Variants in NPAS3 observed in about 807,000 individuals in gnomAD.
The protein encoded by NPAS3 is neuronal PAS domain protein 3.
A neutral mutation model predicts 73.1 loss-of-function variants in NPAS3; 14 were observed. The ratio of observed to expected loss-of-function variants is 0.19; its 90% CI spans 0.13 to 0.30. The LOEUF (loss-of-function observed/expected upper bound fraction) is 0.30, where lower values mean the gene tolerates loss of function less well. NPAS3 is among the 10% of genes least tolerant of loss of function. The pLI is 1.00. For missense variants in NPAS3, 1,096 were observed against 1,250.0 expected (o/e 0.88, Z 1.86); for synonymous variants, 620 against 541.5 (o/e 1.14, Z -2.01).
At chr14:33,371,181 A>C (rs1366305459) in intron 4 of NPAS3, among the ~76,000 whole-genome samples, 1 of 152,192 alleles carries the variant, frequency 6.6e-6, no homozygotes, top group Non-Finnish European at 1.5e-5. Context: ...AAGGAATAGT[A>C]ATAATGTCAA....
rs550843232 is a variant in NPAS3 at position 33,424,193 on chromosome 14, A to T, written c.468+56925A>T. On this transcript the variant is annotated intron_variant, in intron 4 of 11. Transcript: ENST00000356141. ...TACTCAAGCTGAAATCCAAGAGATA[A>T]GTTGGAGTTGACTAGGAGCCCAAGA... Among the ~76,000 whole-genome samples, 12 of 152,102 alleles carry T rather than the reference A, an allele frequency of 7.9e-5. No individual in the cohort carries two copies. In the South Asian group the frequency reaches 1.9e-3, roughly 24 times the overall value.
At chr14:33,272,556 A>G (rs569197956) in intron 3 of NPAS3, among the ~76,000 whole-genome samples, 1 of 152,144 alleles carries the variant, frequency 6.6e-6, no homozygotes, top group East Asian at 1.9e-4. Flanking sequence ...GGCTGGGACT[A>G]CAGGTGTGCA....
At chr14:33,357,014 T>C (rs536570898) in intron 3 of NPAS3, among the ~76,000 whole-genome samples, 22 of 152,334 alleles carry the variant, frequency 1.4e-4, no homozygotes, top group African/African-American at 5.1e-4. Context: ...TGTGCTCCTC[T>C]TTCTTGTTTA....
At chr14:33,424,260 G>A (rs1250329062) in intron 4 of NPAS3, among the ~76,000 whole-genome samples, 2 of 151,976 alleles carry the variant, frequency 1.3e-5, no homozygotes, top group East Asian at 3.9e-4. Flanking sequence ...ATGTGCGGGG[G>A]CCCAGTGGCT....
chr14:33,509,061 T>TG (rs1208064519), intron 4 of NPAS3, among the ~76,000 whole-genome samples: 1 of 151,680 alleles, frequency 6.6e-6, no homozygotes, highest in Admixed American at 6.6e-5. Context: ...CAACTACTTT[T>TG]TTTTTTTTTA....
At chr14:33,468,326 T>C (rs1313122180) in intron 4 of NPAS3, among the ~76,000 whole-genome samples, 2 of 152,200 alleles carry the variant, frequency 1.3e-5, no homozygotes, top group African/African-American at 4.8e-5. Context: ...TATAACTGCA[T>C]AACGATCTGT....
At chr14:33,665,226 A>G (rs920634997) in intron 5 of NPAS3, among the ~76,000 whole-genome samples, 6 of 152,322 alleles carry the variant, frequency 3.9e-5, no homozygotes, top group Admixed American at 3.9e-4. Flanking sequence ...GTTCTCACTC[A>G]TAAGTGGGAA....
At chr14:33,755,031 C>G (rs903178448) in intron 7 of NPAS3, among the ~76,000 whole-genome samples, 2 of 152,142 alleles carry the variant, frequency 1.3e-5, no homozygotes, top group Non-Finnish European at 2.9e-5. Flanking sequence ...GAGCCCTGGC[C>G]TTAGGATCAA....
intron 4 of NPAS3, among the ~76,000 whole-genome samples, chr14:33,461,781 G>A (rs958018720): frequency 6.6e-6 from 1 of 152,226 alleles, no homozygotes; most frequent in Admixed American, 6.5e-5. Flanking sequence ...GCATAGCTTA[G>A]TGCAGGCTTA....
At chr14:33,707,147 A>T (rs1240620742) in intron 6 of NPAS3, among the ~76,000 whole-genome samples, 1 of 152,296 alleles carries the variant, frequency 6.6e-6, no homozygotes, top group East Asian at 1.9e-4. Context: ...AGCCAAGATG[A>T]TTAATAAGGC....
At chr14:32,968,703 G>A (rs929766190) in intron 1 of NPAS3, among the ~76,000 whole-genome samples, 1 of 151,926 alleles carries the variant, frequency 6.6e-6, no homozygotes, top group South Asian at 2.1e-4. Flanking sequence ...TTGCCTGGGT[G>A]GTTCTGGTTC....
intron 2 of NPAS3, among the ~76,000 whole-genome samples, chr14:33,082,301 C>T (rs946792793): frequency 6.6e-6 from 1 of 152,140 alleles, no homozygotes; most frequent in Non-Finnish European, 1.5e-5. Flanking sequence ...GCAAGGCACA[C>T]ACGGCTGGAG....
At chr14:33,512,734 G>C (rs2053116300) in intron 4 of NPAS3, among the ~76,000 whole-genome samples, 1 of 151,960 alleles carries the variant, frequency 6.6e-6, no homozygotes, top group South Asian at 2.1e-4. Context: ...CATAGCCTCT[G>C]TGGCTTGGCA....
At chr14:33,106,099 C>T (rs1422018361) in intron 2 of NPAS3, among the ~76,000 whole-genome samples, 1 of 152,140 alleles carries the variant, frequency 6.6e-6, no homozygotes, top group Non-Finnish European at 1.5e-5. Context: ...TATGTCCTTG[C>T]TGTGATCAAA....
rs567455407 is a variant in NPAS3 at position 33,193,696 on chromosome 14, A to T, written c.141-21486A>T. On this transcript the variant is annotated intron_variant, in intron 2 of 11. Transcript: ENST00000356141. ...TGCTAGAATGTATTTCTTGGCACAA[A>T]TAGGGTTCTCAAATGTATTTTCAAA... Among the ~76,000 whole-genome samples, 13 of 152,312 alleles carry T rather than the reference A, an allele frequency of 8.5e-5. 1 individual carries two copies. In the South Asian group the frequency reaches 2.7e-3, roughly 32 times the overall value.
At chr14:33,741,164 C>G (rs2061646720) in intron 7 of NPAS3, among the ~76,000 whole-genome samples, 1 of 152,132 alleles carries the variant, frequency 6.6e-6, no homozygotes, top group Admixed American at 6.6e-5. Context: ...ATGTTTCTTC[C>G]TTATCTGAGA....
At chr14:33,641,879 G>A (rs1189467747) in intron 5 of NPAS3, among the ~76,000 whole-genome samples, 1 of 152,016 alleles carries the variant, frequency 6.6e-6, no homozygotes, top group Non-Finnish European at 1.5e-5. Context: ...GAAAATGCAG[G>A]TATGGTGAGA....
At chr14:33,700,104 A>G (rs894888610) in intron 6 of NPAS3, among the ~76,000 whole-genome samples, 28 of 152,140 alleles carry the variant, frequency 1.8e-4, no homozygotes, top group Non-Finnish European at 3.5e-4. Flanking sequence ...TTTTAAAAGC[A>G]ATAATAGTCT....
chr14:33,066,821 CA>C (rs2041297048), intron 2 of NPAS3, among the ~76,000 whole-genome samples: 1 of 152,200 alleles, frequency 6.6e-6, no homozygotes, highest in Non-Finnish European at 1.5e-5. Context: ...AGTTACCTTT[CA>C]GGGGCCCCAT....
Sources: gnomAD v4.1 joint callset for allele counts (sites outside exome capture counted in the v4.1 genomes callset) on GRCh38, gnomAD v4.1.1 for gene constraint, MANE v1.5 for transcripts, NCBI Gene and HGNC (gene_info 2026-07-23, HGNC 2026-07-21) for gene names.